ADAMTS3: variants seen among roughly 807,000 people sequenced by gnomAD.
The protein encoded by ADAMTS3 is A disintegrin and metalloproteinase with thrombospondin motifs 3.
Under a neutral mutation model 129.0 loss-of-function variants are expected in ADAMTS3, and 73 were observed. The observed-to-expected ratio is 0.57, with a 90% CI of 0.47 to 0.69. ADAMTS3 has a LOEUF of 0.69. Among genes scored for constraint, ADAMTS3 ranks in the 30% least tolerant of loss-of-function variants. ADAMTS3 has a pLI of 0.00. For synonymous variants in ADAMTS3, 477 were observed against 510.8 expected (o/e 0.93, Z 0.89); for missense variants, 1,457 against 1,514.5 (o/e 0.96, Z 0.63).
At chr4:72,297,527 T>C (rs2109780200) in intron 18 of ADAMTS3, among the ~76,000 whole-genome samples, 1 of 152,294 alleles carries the variant, frequency 6.6e-6, no homozygotes, top group Admixed American at 6.5e-5. Context: ...TCTTGCCTTC[T>C]CCTGCCCATG....
At chr4:72,353,993 T>C (rs1343200209) in intron 4 of ADAMTS3, among the ~76,000 whole-genome samples, 1 of 151,968 alleles carries the variant, frequency 6.6e-6, no homozygotes, top group Non-Finnish European at 1.5e-5. Context: ...TCCATATAAC[T>C]GTTTCACAAA....
chr4:72,483,652 C>A (rs966127358), intron 3 of ADAMTS3, among the ~76,000 whole-genome samples: 9 of 152,148 alleles, frequency 5.9e-5, no homozygotes, highest in African/African-American at 2.2e-4. Flanking sequence ...AGTATCCAAC[C>A]TAGCTGCAAA....
chr4:72,284,649 T>C (rs1718454880), intron 21 of ADAMTS3, among the ~76,000 whole-genome samples: 1 of 152,226 alleles, frequency 6.6e-6, no homozygotes, highest in Non-Finnish European at 1.5e-5. Context: ...TCATAAAATG[T>C]AATTTCATTG....
At chr4:72,412,129 A>G (rs1722198961) in intron 4 of ADAMTS3, among the ~76,000 whole-genome samples, 1 of 152,098 alleles carries the variant, frequency 6.6e-6, no homozygotes, top group Non-Finnish European at 1.5e-5. Flanking sequence ...TGGCTTGCTT[A>G]TGATCAAAAC....
intron 17 of ADAMTS3, among the ~76,000 whole-genome samples, chr4:72,300,882 T>G (rs1316617276): frequency 6.6e-6 from 1 of 152,102 alleles, no homozygotes; most frequent in African/African-American, 2.4e-5. Flanking sequence ...CAGCACCATG[T>G]GACTAAGCTT....
At chr4:72,364,771 T>C (rs914927527) in intron 4 of ADAMTS3, among the ~76,000 whole-genome samples, 2 of 152,126 alleles carry the variant, frequency 1.3e-5, no homozygotes, top group Non-Finnish European at 2.9e-5. Context: ...AAATGTTAAA[T>C]AGAGACAAGG....
Position 72,298,258 on chromosome 4 carries a change from A to G in ADAMTS3, c.2590+19T>C, listed in dbSNP as rs1718859782. 1 of 1,605,018 alleles carries G rather than the reference A, an allele frequency of 6.2e-7. No homozygotes were observed. The highest frequency in any genetic ancestry group is 1.3e-5 in the African/African-American group (1 of 74,724). On this transcript the variant is annotated intron_variant, in intron 18 of 21. Coordinates refer to ENST00000286657, the MANE Select transcript of ADAMTS3 (RefSeq NM_014243.3). ...TATATGCATTACATTTTAATATAAT[A>G]AATGTGTTCAATGGTTACCTCCACC...
In ADAMTS3 at chr4:72,283,529, G is replaced by A. The variant is rs377643083; in HGVS notation, c.3225C>T (p.Asn1075=). The change falls in exon 22 of 22, where the codon AAC becomes AAT. Residue 1075 remains asparagine, a synonymous_variant. Coordinates refer to ENST00000286657, the MANE Select transcript of ADAMTS3 (RefSeq NM_014243.3). ...AAETHDDVIS[N]PSDLPRSLVM... ...CTAGAGATCTAGGGAGGTCACTAGG[G>A]TTAGAGATGACATCATCATGAGTTT... 1.9e-6 allele frequency: 3 copies of A among 1,613,946 alleles called. No individual in the cohort carries two copies. Among genetic ancestry groups the A allele is most frequent in the South Asian group, 1.1e-5 (1 of 91,092 alleles).
intron 4 of ADAMTS3, among the ~76,000 whole-genome samples, chr4:72,376,709 C>T (rs1186680156): frequency 4.6e-5 from 7 of 152,160 alleles, no homozygotes; most frequent in Non-Finnish European, 8.8e-5. Context: ...TCCAAGGGAA[C>T]TTTCCTCATC....
intron 3 of ADAMTS3, among the ~76,000 whole-genome samples, chr4:72,526,787 G>A (rs962660589): frequency 1.4e-5 from 2 of 142,288 alleles, no homozygotes; most frequent in South Asian, 2.2e-4. Flanking sequence ...TAGACAGAGA[G>A]AGAGAGAGAG....
At chr4:72,502,394 G>A (rs1321922605) in intron 3 of ADAMTS3, among the ~76,000 whole-genome samples, 2 of 152,078 alleles carry the variant, frequency 1.3e-5, no homozygotes, top group African/African-American at 4.8e-5. Context: ...TTTCTAGTTT[G>A]TGTGTACATA....
chr4:72,322,178 T>G (rs757656317), intron 6 of ADAMTS3, among the ~76,000 whole-genome samples: 3 of 152,196 alleles, frequency 2.0e-5, no homozygotes, highest in Non-Finnish European at 2.9e-5. Flanking sequence ...TCATATTCCT[T>G]GTTGGCAATA....
intron 3 of ADAMTS3, among the ~76,000 whole-genome samples, chr4:72,490,706 A>C (rs1719716987): frequency 6.6e-6 from 1 of 151,798 alleles, no homozygotes; most frequent in African/African-American, 2.4e-5. Context: ...ATTGGTTTTC[A>C]TGCCAGTACC....
intron 5 of ADAMTS3, 152 bp from the exon 6 acceptor site, chr4:72,323,249 C>T (rs1198547995): frequency 3.1e-6 from 2 of 638,754 alleles, no homozygotes; most frequent in Non-Finnish European, 5.6e-6. Flanking sequence ...TAGTCATTTA[C>T]TTTTAGCTTT....
chr4:72,515,396 T>C (rs917268384), intron 3 of ADAMTS3, among the ~76,000 whole-genome samples: 23 of 152,028 alleles, frequency 1.5e-4, no homozygotes, highest in South Asian at 6.3e-4. Context: ...TTCTAGATCC[T>C]TGAGGAATCG....
At chr4:72,318,758 T>C in intron 9 of ADAMTS3, 54 bp from the exon 10 acceptor site, 1 of 1,549,468 alleles carries the variant, frequency 6.5e-7, no homozygotes, top group Admixed American at 1.8e-5. Flanking sequence ...AAAAATCATG[T>C]CCTGATTTAA....
At chr4:72,371,957 G>A (rs762833172) in intron 4 of ADAMTS3, among the ~76,000 whole-genome samples, 128 of 150,742 alleles carry the variant, frequency 8.5e-4, no homozygotes, top group Non-Finnish European at 1.3e-3. Context: ...GAATTAACAA[G>A]AAATCAAAAG....
intron 3 of ADAMTS3, among the ~76,000 whole-genome samples, chr4:72,513,535 T>C (rs1248176298): frequency 6.6e-6 from 1 of 152,156 alleles, no homozygotes; most frequent in Non-Finnish European, 1.5e-5. Flanking sequence ...AGAAGACTCT[T>C]GTTTATTGAC....
chr4:72,347,053 C>G (rs2109839688), intron 4 of ADAMTS3, among the ~76,000 whole-genome samples: 1 of 152,140 alleles, frequency 6.6e-6, no homozygotes, highest in East Asian at 1.9e-4. Context: ...CATTATTAAG[C>G]TGGAAACTGG....
Sources: allele counts gnomAD v4.1 joint callset (sites outside exome capture counted in the v4.1 genomes callset), GRCh38; gene constraint gnomAD v4.1.1; transcripts MANE v1.5; gene names NCBI Gene and HGNC (gene_info 2026-07-23, HGNC 2026-07-21).